Variants in MGMT observed in about 807,000 individuals in gnomAD.
MGMT encodes the protein methylated-DNA--protein-cysteine methyltransferase.
In MGMT, 14 loss-of-function variants were observed where a neutral mutation model predicts 15.9. The observed-to-expected ratio is 0.88, with a 90% CI of 0.58 to 1.37. MGMT has a LOEUF of 1.37. Among genes scored for constraint, MGMT ranks in the 40% most tolerant of loss-of-function variants. The pLI is 0.00. For synonymous variants in MGMT, 130 were observed against 118.2 expected, an observed-to-expected ratio of 1.10 and a Z score of -0.65; for missense variants, 282 against 268.1, an observed-to-expected ratio of 1.05 and a Z score of -0.36.
chr10:129,712,516 T>C (rs1043280469), intron 3 of MGMT, among the ~76,000 whole-genome samples: 1 of 152,138 alleles, frequency 6.6e-6, no homozygotes. Flanking sequence ...ATTTTTGTAT[T>C]TTTGTGTCTC....
intron 1 of MGMT, among the ~76,000 whole-genome samples, chr10:129,518,343 C>CACAT (rs745901346): frequency 0.14 from 10,665 of 74,372 alleles, 476 homozygotes; most frequent in Non-Finnish European, 0.19. Flanking sequence ...CACATACACA[C>CACAT]ACACACACAC....
chr10:129,520,200 T>C (rs1845787578), intron 1 of MGMT, among the ~76,000 whole-genome samples: 1 of 152,056 alleles, frequency 6.6e-6, no homozygotes. Flanking sequence ...GGATGGCAAA[T>C]GTTTCCTGAA....
chr10:129,726,462 G>A (rs188377210), intron 3 of MGMT, among the ~76,000 whole-genome samples: 12 of 152,240 alleles, frequency 7.9e-5, no homozygotes, highest in Admixed American at 2.0e-4. Context: ...TGCTGCCCAC[G>A]TGCCCTGAGG....
intron 3 of MGMT, among the ~76,000 whole-genome samples, chr10:129,722,134 A>T (rs1443836641): frequency 6.6e-6 from 1 of 152,186 alleles, no homozygotes; most frequent in African/African-American, 2.4e-5. Context: ...CAGATCACAT[A>T]ATTATTTACA....
intron 2 of MGMT, among the ~76,000 whole-genome samples, chr10:129,669,340 T>G (rs533750611): frequency 2.6e-5 from 4 of 152,178 alleles, no homozygotes; most frequent in Non-Finnish European, 4.4e-5. Flanking sequence ...TCTAATTTCC[T>G]TTTTTTCCTG....
At chr10:129,546,764 C>A (rs997896114) in intron 2 of MGMT, among the ~76,000 whole-genome samples, 2 of 152,132 alleles carry the variant, frequency 1.3e-5, no homozygotes, top group Non-Finnish European at 2.9e-5. Flanking sequence ...CTTCTTCAGG[C>A]CCTGAACGTA....
chr10:129,678,674 G>A (rs56265339), intron 2 of MGMT, among the ~76,000 whole-genome samples: 6,982 of 152,158 alleles, frequency 0.046, 218 homozygotes, highest in South Asian at 0.09. Context: ...TCAGTGCCTG[G>A]GGCGAAATCC....
rs983036305 is a variant in MGMT, at chr10:129,532,623, C to T, written c.-12-3618C>T. 8.5e-5 allele frequency among the ~76,000 whole-genome samples: 13 copies of T among 152,082 alleles called. No homozygotes were observed. The highest frequency in any genetic ancestry group is 4.4e-5 in the Non-Finnish European group (3 of 68,016). ...ACCTTTCTCCCTGGCCCTGTCTCTG[C>T]ACACTCCAATGTCTTCCCCTTTGGC... On this transcript the variant is annotated intron_variant, in intron 1 of 4. Transcript: ENST00000651593. The surrounding 1 kb of genome is among the most constrained non-coding windows in gnomAD (Gnocchi z 5.3).
chr10:129,719,926 T>C (rs566717898), intron 3 of MGMT, among the ~76,000 whole-genome samples: 3 of 152,324 alleles, frequency 2.0e-5, no homozygotes, highest in African/African-American at 4.8e-5. Flanking sequence ...CAGATAGTCT[T>C]TTCTCCAAAA....
chr10:129,627,050 T>C (rs760756581), intron 2 of MGMT, among the ~76,000 whole-genome samples: 4 of 152,150 alleles, frequency 2.6e-5, no homozygotes, highest in African/African-American at 4.8e-5. Context: ...TTCAGAAGGC[T>C]TCACGCAAGT....
chr10:129,479,308 C>T (rs532940440), intron 1 of MGMT, among the ~76,000 whole-genome samples: 5 of 152,008 alleles, frequency 3.3e-5, no homozygotes, highest in African/African-American at 9.6e-5. Flanking sequence ...TACAAGTATG[C>T]GTTGGGCCTT....
intron 1 of MGMT, among the ~76,000 whole-genome samples, chr10:129,512,727 T>C (rs7095927): frequency 0.15 from 23,504 of 152,168 alleles, 2,522 homozygotes; most frequent in African/African-American, 0.3. Context: ...GCCTTGAATA[T>C]AAGTATATTT....
At chr10:129,676,103 G>A (rs1312631586) in intron 2 of MGMT, among the ~76,000 whole-genome samples, 1 of 152,176 alleles carries the variant, frequency 6.6e-6, no homozygotes, top group Non-Finnish European at 1.5e-5. Context: ...CCCAGGAGTG[G>A]CCGTCCCACA....
chr10:129,574,316 C>T (rs1846454419), intron 2 of MGMT, among the ~76,000 whole-genome samples: 1 of 152,202 alleles, frequency 6.6e-6, no homozygotes, highest in South Asian at 2.1e-4. Context: ...TGGCCTATGC[C>T]TTGGCAGCCC....
In MGMT at chr10:129,635,146, G is replaced by A. The variant is rs1847251138; in HGVS notation, c.126-72749G>A. Among the ~76,000 whole-genome samples, 3 of 152,340 alleles carry A rather than the reference G, an allele frequency of 2.0e-5. No individual in the cohort carries two copies. In the South Asian group the frequency reaches 6.2e-4, roughly 32 times the overall value. Reference sequence around the variant, plus strand: ...AAAAGTCATGCTCCCAGCCCTGCAAGAGCAGCGGTTACCACCCTGTCATCC... The same window carrying A: ...AAAAGTCATGCTCCCAGCCCTGCAAAAGCAGCGGTTACCACCCTGTCATCC... On this transcript the variant is annotated intron_variant, in intron 2 of 4. Coordinates refer to ENST00000651593, the MANE Select transcript of MGMT (RefSeq NM_002412.5).
chr10:129,760,502 G>A (rs1022696383), intron 4 of MGMT, among the ~76,000 whole-genome samples: 1 of 152,190 alleles, frequency 6.6e-6, no homozygotes, highest in East Asian at 1.9e-4. Flanking sequence ...TTGAAAAATT[G>A]CTGTGGCTTT....
At chr10:129,667,794 G>A (rs1423013710) in intron 2 of MGMT, among the ~76,000 whole-genome samples, 4 of 152,160 alleles carry the variant, frequency 2.6e-5, no homozygotes, top group Non-Finnish European at 5.9e-5. Flanking sequence ...AGCCATTCTT[G>A]TGTTTGTGTT....
intron 2 of MGMT, among the ~76,000 whole-genome samples, chr10:129,704,440 G>A (rs1341826005): frequency 6.6e-6 from 1 of 152,082 alleles, no homozygotes; most frequent in East Asian, 1.9e-4. Context: ...TAAGGGTACT[G>A]GGCTGAATGA....
At chr10:129,597,171 A>G (rs1589885937) in intron 2 of MGMT, among the ~76,000 whole-genome samples, 3 of 152,304 alleles carry the variant, frequency 2.0e-5, no homozygotes, top group Admixed American at 2.0e-4. Context: ...CAGGAAGTTC[A>G]CGTCCCAGGG....
Sources: allele counts gnomAD v4.1 joint callset (sites outside exome capture counted in the v4.1 genomes callset), GRCh38; gene constraint gnomAD v4.1.1; non-coding constraint Gnocchi (gnomAD v3.1); transcripts MANE v1.5; gene names NCBI Gene and HGNC (gene_info 2026-07-23, HGNC 2026-07-21).